CYP4F22: variants seen among roughly 807,000 people sequenced by gnomAD.
CYP4F22 encodes the protein ultra-long-chain fatty acid omega-hydroxylase.
CYP4F22 carries 37 observed loss-of-function variants against 60.4 expected under a neutral mutation model. The ratio of observed to expected loss-of-function variants is 0.61; its 90% CI spans 0.47 to 0.81. The LOEUF is 0.81. CYP4F22 is among the 30% of genes least tolerant of loss of function. The pLI is 0.00. For synonymous variants in CYP4F22, 258 were observed against 280.5 expected, an observed-to-expected ratio of 0.92 and a Z score of 0.80; for missense variants, 655 against 715.0, an observed-to-expected ratio of 0.92 and a Z score of 0.96.
At position 15,520,764 on chromosome 19, in the gene CYP4F22, T is replaced by TC. The variant is rs1300511956; in HGVS notation, c.-108-2929_-108-2928insC. Among the ~76,000 whole-genome samples, 18 of 147,202 alleles carry TC rather than the reference T, an allele frequency of 1.2e-4. No individual in the cohort carries two copies. The South Asian group carries it at 3.9e-3, about 32-fold the overall frequency. On this transcript the variant is annotated intron_variant, in intron 1 of 13. Transcript: ENST00000269703. ...TGCCATGCCCTGCTAATATTTTGTT[T>TC]TGTTTTTTTGTTTTTTTTTTTTGAG...
At chr19:15,511,417 C>A (rs552189603) in intron 1 of CYP4F22, among the ~76,000 whole-genome samples, 20 of 152,022 alleles carry the variant, frequency 1.3e-4, no homozygotes, top group Non-Finnish European at 2.6e-4. Context: ...CAAGATCACA[C>A]CACTGCACTC....
At chr19:15,512,390 G>A (rs550491101) in intron 1 of CYP4F22, among the ~76,000 whole-genome samples, 23 of 152,228 alleles carry the variant, frequency 1.5e-4, no homozygotes, top group Non-Finnish European at 2.5e-4. Flanking sequence ...GGAGTGCAGT[G>A]GCAAGATTTT....
intron 10 of CYP4F22, among the ~76,000 whole-genome samples, chr19:15,545,040 T>A (rs1726561510): frequency 6.6e-6 from 1 of 151,218 alleles, no homozygotes; most frequent in Non-Finnish European, 1.5e-5. Flanking sequence ...CAGCCTGGGC[T>A]ACAAGAGTGA....
In CYP4F22 at chr19:15,549,138, G is replaced by A; in HGVS notation, c.1271G>A (p.Gly424Glu). Residue 424 changes from glycine (G) to glutamate (E), a missense_variant and splice_region_variant, in exon 12 of 14, where the codon GGA (glycine) becomes GAA (glutamate). By Grantham distance (98) the Gly-to-Glu change is moderately conservative (BLOSUM62 -2). Coordinates refer to ENST00000269703, the MANE Select transcript of CYP4F22 (RefSeq NM_173483.4). ...KLPDGRIIPK[G>E]IICLVSIYGT... ...CCACTGATCCCATCTTTCCCCACAG[G>A]AATCATCTGCTTGGTCAGCATCTAT... 6.2e-7 allele frequency: 1 copy of A among 1,613,904 alleles called. No homozygotes were observed. Among genetic ancestry groups the A allele is most frequent in the Non-Finnish European group, 8.5e-7 (1 of 1,179,962 alleles).
chr19:15,510,706 C>T (rs560106943), intron 1 of CYP4F22, among the ~76,000 whole-genome samples: 124 of 152,156 alleles, frequency 8.1e-4, no homozygotes, highest in Middle Eastern at 3.4e-3. Context: ...ATCAAAGCTG[C>T]GATAGGACTG....
At chr19:15,510,966 A>ATATATATATATTTT (rs34055543) in intron 1 of CYP4F22, among the ~76,000 whole-genome samples, 1 of 103,308 alleles carries the variant, frequency 9.7e-6, no homozygotes, top group African/African-American at 4.6e-5. Context: ...ATATATATAT[A>ATATATATATATTTT]TTTTTTTTTT....
intron 1 of CYP4F22, among the ~76,000 whole-genome samples, chr19:15,521,285 G>T (rs1384261217): frequency 1.4e-5 from 2 of 144,898 alleles, no homozygotes; most frequent in African/African-American, 5.2e-5. Context: ...AGGCTGGAGT[G>T]CAGTGGTTCG....
Position 15,529,793 on chromosome 19 carries a change from G to A in CYP4F22, c.307G>A (p.Val103Ile), listed in dbSNP as rs766987265. The A allele has an allele frequency of 4.3e-6, 7 of 1,614,056 alleles. No individual in the cohort carries two copies. Among genetic ancestry groups the A allele is most frequent in the Non-Finnish European group, 5.9e-6 (7 of 1,180,032 alleles). The stretch of plus-strand genomic sequence containing the variant: ...TGTACTCTTGGTATGGATGGGACCT[G>A]TCCTGCCGCTGTTGGTTCTGGTGCA... ...HHVLLVWMGP[V>I]LPLLVLVHPD... The change falls in exon 4 of 14, where the codon GTC (valine) becomes ATC (isoleucine). Residue 103 changes from valine to isoleucine, a missense_variant. Physicochemically the swap from Val to Ile is conservative, Grantham distance 29. Around this residue, in one of 3 missense-constraint regions of CYP4F22, gnomAD observed 430 missense variants for 457.1 expected, o/e 0.94. Transcript: ENST00000269703.
intron 7 of CYP4F22, 136 bp from the exon 8 acceptor site, chr19:15,540,314 A>C (rs931070811): frequency 9.3e-7 from 1 of 1,069,676 alleles, no homozygotes; most frequent in Non-Finnish European, 1.4e-6. Flanking sequence ...TAAATAAATG[A>C]ATTTAAAAAT....
chr19:15,545,690 A>AG (rs1294475537), intron 10 of CYP4F22, among the ~76,000 whole-genome samples: 1 of 18,632 alleles, frequency 5.4e-5, no homozygotes, highest in Non-Finnish European at 1.0e-4. Flanking sequence ...AAGAAAAGAA[A>AG]AGAAGAAAAA....
intron 2 of CYP4F22, 105 bp from the exon 3 acceptor site, chr19:15,525,231 A>T: frequency 9.2e-7 from 1 of 1,092,678 alleles, no homozygotes; most frequent in Middle Eastern, 2.6e-4. Context: ...GGTGTCTGGA[A>T]CTCACGTGTG....
intron 1 of CYP4F22, among the ~76,000 whole-genome samples, chr19:15,518,647 C>CAAAAAAAAAAAA (rs748509278): frequency 4.3e-5 from 1 of 23,456 alleles, no homozygotes; most frequent in East Asian, 1.2e-3. Context: ...GACTTTGTCT[C>CAAAAAAAAAAAA]AAAAAAAAAA....
intron 1 of CYP4F22, among the ~76,000 whole-genome samples, chr19:15,519,019 G>C (rs79198856): frequency 0.034 from 5,128 of 152,162 alleles, 120 homozygotes; most frequent in Middle Eastern, 0.092. Context: ...GGGAGGAAGA[G>C]GGTGAGGTGA....
intron 1 of CYP4F22, chr19:15,516,056 A>AAAAAGG (rs1971151568): frequency 6.6e-6 from 1 of 152,212 alleles, no homozygotes. Context: ...AAAGAAAAAG[A>AAAAAGG]AAAAGATGTT....
chr19:15,540,629 G>A lies in CYP4F22; in HGVS notation c.851G>A (p.Arg284Gln), dbSNP rs755129541. ...FTTEVIQERR[R>Q]ALRQQGAEAW... The stretch of plus-strand genomic sequence containing the variant: ...ACTGAAGTCATCCAGGAACGGCGGC[G>A]GGCACTGCGTCAGCAGGGGGCCGAG... The change falls in exon 8 of 14, where the codon CGG (arginine) becomes CAG (glutamine). Residue 284 changes from arginine to glutamine, a missense_variant. Around this residue, in one of 3 missense-constraint regions of CYP4F22, gnomAD observed 430 missense variants for 457.1 expected, o/e 0.94. Coordinates refer to ENST00000269703, the MANE Select transcript of CYP4F22 (RefSeq NM_173483.4). 2.2e-5 allele frequency: 36 copies of A among 1,614,092 alleles called. No individual in the cohort carries two copies. Among genetic ancestry groups the A allele is most frequent in the Admixed American group, 8.3e-5 (5 of 60,006 alleles).
intron 4 of CYP4F22, among the ~76,000 whole-genome samples, chr19:15,533,591 C>CA (rs1971365775): frequency 1.1e-5 from 1 of 91,434 alleles, no homozygotes; most frequent in Non-Finnish European, 2.1e-5. Flanking sequence ...CAGTTTCATT[C>CA]TTTTTTTTTT....
At chr19:15,522,749 C>T (rs920988952) in intron 1 of CYP4F22, among the ~76,000 whole-genome samples, 2 of 152,102 alleles carry the variant, frequency 1.3e-5, no homozygotes, top group South Asian at 2.1e-4. Context: ...CTCACTCTAT[C>T]GCCCAGGCTG....
At chr19:15,513,568 G>T (rs1195700332) in intron 1 of CYP4F22, among the ~76,000 whole-genome samples, 1 of 151,896 alleles carries the variant, frequency 6.6e-6, no homozygotes, top group African/African-American at 2.4e-5. Context: ...GTTTCACCGT[G>T]TTAGCTAGGA....
At position 15,532,364 on chromosome 19, in the gene CYP4F22, C is replaced by T. The variant is rs558951402; in HGVS notation, c.367+2511C>T. On this transcript the variant is annotated intron_variant, in intron 4 of 13. Transcript: ENST00000269703. ...CCTCCCCATCCCCCTCCTCCTCCTC[C>T]ACCTTCTTCTTTTTCTTCCTCTTCT... Among the ~76,000 whole-genome samples, 142 of 150,400 alleles carry T rather than the reference C, an allele frequency of 9.4e-4. 2 individuals are homozygous for T. The highest frequency in any genetic ancestry group is 9.4e-3 in the Admixed American group (141 of 14,986).
Sources: gnomAD v4.1 joint callset for allele counts (sites outside exome capture counted in the v4.1 genomes callset) on GRCh38, gnomAD v4.1.1 for gene constraint, gnomAD v4.1.1 regional missense constraint, MANE v1.5 for transcripts, NCBI Gene and HGNC (gene_info 2026-07-23, HGNC 2026-07-21) for gene names.